Variants in PCDH15 observed in about 807,000 individuals in gnomAD.
PCDH15 encodes the protein protocadherin-15.
A neutral mutation model predicts 178.5 loss-of-function variants in PCDH15; 129 were observed. The observed-to-expected ratio is 0.72, with a 90% CI of 0.63 to 0.84. The LOEUF (loss-of-function observed/expected upper bound fraction) is 0.84, where lower values mean the gene tolerates loss of function less well. Ranked by LOEUF, PCDH15 falls within the 40% of genes least tolerant of loss-of-function variation. The pLI is 0.00. For missense variants in PCDH15, 2,230 were observed against 2,099.9 expected, an observed-to-expected ratio of 1.06 and a Z score of -1.21; for synonymous variants, 800 against 732.0, an observed-to-expected ratio of 1.09 and a Z score of -1.50.
At chr10:53,820,887 A>AAAAG (rs1491211953) in intron 32 of PCDH15, among the ~76,000 whole-genome samples, 2 of 152,040 alleles carry the variant, frequency 1.3e-5, no homozygotes, top group Non-Finnish European at 2.9e-5. Context: ...AAACCTAGGT[A>AAAAG]AAAGAGTGAT....
chr10:54,803,420 C>A (rs1040753244), upstream of PCDH15, among the ~76,000 whole-genome samples: 23 of 152,096 alleles, frequency 1.5e-4, no homozygotes, highest in African/African-American at 5.3e-4. Context: ...TAATCAAGGT[C>A]TTGAGTTAAG....
At chr10:55,308,738 G>A (rs1397105296) in intron 1 of PCDH15, among the ~76,000 whole-genome samples, 1 of 152,118 alleles carries the variant, frequency 6.6e-6, no homozygotes, top group Non-Finnish European at 1.5e-5. Flanking sequence ...AGAAGACCAA[G>A]CTATAATTAT....
At chr10:54,160,612 T>C (rs1371275817) in intron 13 of PCDH15, among the ~76,000 whole-genome samples, 5 of 152,110 alleles carry the variant, frequency 3.3e-5, no homozygotes, top group Non-Finnish European at 5.9e-5. Flanking sequence ...ACATGATACA[T>C]AAAATACAGA....
chr10:55,222,730 C>CACACACATATAT, intron 1 of PCDH15, among the ~76,000 whole-genome samples: 14 of 121,256 alleles, frequency 1.2e-4, no homozygotes, highest in East Asian at 9.5e-4. Flanking sequence ...CACACACACA[C>CACACACATATAT]ATATATATAT....
intron 2 of PCDH15, among the ~76,000 whole-genome samples, chr10:55,602,798 C>A (rs907290143): frequency 1.3e-5 from 2 of 152,156 alleles, no homozygotes; most frequent in Non-Finnish European, 1.5e-5. Context: ...AAAAACAGAA[C>A]AGAAATACTG....
chr10:55,300,072 C>CTT (rs370706332), intron 1 of PCDH15, among the ~76,000 whole-genome samples: 14 of 152,074 alleles, frequency 9.2e-5, no homozygotes, highest in African/African-American at 3.4e-4. Context: ...TCTCACACTG[C>CTT]TTTTTAAAAT....
chr10:55,542,273 T>C (rs1250271461), intron 2 of PCDH15, among the ~76,000 whole-genome samples: 1 of 151,200 alleles, frequency 6.6e-6, no homozygotes, highest in African/African-American at 2.4e-5. Context: ...AGTATGTCTA[T>C]ATTATGTATA....
At chr10:54,277,179 G>C (rs571854929) in intron 8 of PCDH15, among the ~76,000 whole-genome samples, 6 of 151,404 alleles carry the variant, frequency 4.0e-5, no homozygotes, top group African/African-American at 1.5e-4. Context: ...TAACCTTCAG[G>C]AAAAAAGGCC....
At chr10:54,015,478 T>C (rs145175046) in intron 20 of PCDH15, among the ~76,000 whole-genome samples, 20 of 152,244 alleles carry the variant, frequency 1.3e-4, no homozygotes, top group African/African-American at 4.8e-4. Flanking sequence ...GCTGAAGATA[T>C]CACATTTCTT....
intron 8 of PCDH15, among the ~76,000 whole-genome samples, chr10:54,309,320 T>TACACAC (rs71984217): frequency 2.3e-3 from 339 of 146,280 alleles, no homozygotes; most frequent in African/African-American, 7.9e-3. Flanking sequence ...TATACGTACA[T>TACACAC]ACACACACAC....
At chr10:54,203,024 G>C (rs1248430476) in intron 10 of PCDH15, among the ~76,000 whole-genome samples, 1 of 151,896 alleles carries the variant, frequency 6.6e-6, no homozygotes, top group African/African-American at 2.4e-5. Context: ...TATTGGTTAG[G>C]GCTATTGGTT....
At chr10:55,029,301 A>G (rs893603362) in intron 2 of PCDH15, among the ~76,000 whole-genome samples, 4 of 151,996 alleles carry the variant, frequency 2.6e-5, no homozygotes, top group Non-Finnish European at 5.9e-5. Flanking sequence ...TTATATAAAT[A>G]TGTGTGTATA....
intron 5 of PCDH15, among the ~76,000 whole-genome samples, chr10:54,355,932 A>G (rs973695923): frequency 6.6e-6 from 1 of 152,096 alleles, no homozygotes; most frequent in Non-Finnish European, 1.5e-5. Context: ...AGCCAACCAC[A>G]GTAATTTACA....
intron 1 of PCDH15, among the ~76,000 whole-genome samples, chr10:54,667,680 A>G (rs1251937965): frequency 1.3e-5 from 2 of 152,062 alleles, no homozygotes; most frequent in Non-Finnish European, 2.9e-5. Flanking sequence ...AACTCTTTCC[A>G]TGTTCCCCGA....
intron 2 of PCDH15, among the ~76,000 whole-genome samples, chr10:55,493,911 C>A (rs1840476341): frequency 6.6e-6 from 1 of 151,818 alleles, no homozygotes; most frequent in African/African-American, 2.4e-5. Flanking sequence ...CTTTTCTCAG[C>A]TAATTTAGGT....
chr10:54,523,215 C>A (rs1400851981), intron 3 of PCDH15, among the ~76,000 whole-genome samples: 1 of 152,130 alleles, frequency 6.6e-6, no homozygotes, highest in Non-Finnish European at 1.5e-5. Context: ...AATCTTGATT[C>A]TTGACATCAA....
chr10:55,569,472 T>C (rs1229581463), intron 2 of PCDH15, among the ~76,000 whole-genome samples: 1 of 151,878 alleles, frequency 6.6e-6, no homozygotes, highest in East Asian at 1.9e-4. Flanking sequence ...TGTGGAAAGG[T>C]TAATTACTCA....
chr10:54,603,525 G>A (rs967374532), intron 2 of PCDH15, among the ~76,000 whole-genome samples: 5 of 150,340 alleles, frequency 3.3e-5, no homozygotes, highest in African/African-American at 1.2e-4. Flanking sequence ...CATTTAATAG[G>A]TATTAACAAA....
intron 6 of PCDH15, among the ~76,000 whole-genome samples, chr10:54,337,856 G>A (rs7076720): frequency 0.071 from 10,811 of 152,126 alleles, 496 homozygotes; most frequent in African/African-American, 0.12. Context: ...ACCTGGGTGG[G>A]AACTATAGCT....
Sources: gnomAD v4.1 joint callset for allele counts (sites outside exome capture counted in the v4.1 genomes callset) on GRCh38, gnomAD v4.1.1 for gene constraint, MANE v1.5 for transcripts, NCBI Gene and HGNC (gene_info 2026-07-23, HGNC 2026-07-21) for gene names.